KIAA0825: variants seen among roughly 807,000 people sequenced by gnomAD.
KIAA0825 encodes the protein uncharacterized protein KIAA0825.
Under a neutral mutation model 147.6 loss-of-function variants are expected in KIAA0825, and 119 were observed. The observed-to-expected ratio is 0.81, with a 90% CI of 0.69 to 0.94. The LOEUF is 0.94. Among genes scored for constraint, KIAA0825 ranks in the 40% least tolerant of loss-of-function variants. KIAA0825 has a pLI of 0.00. For missense variants in KIAA0825, 1,381 were observed against 1,472.7 expected, an observed-to-expected ratio of 0.94 and a Z score of 1.02; for synonymous variants, 470 against 518.1, an observed-to-expected ratio of 0.91 and a Z score of 1.26.
intron 20 of KIAA0825, among the ~76,000 whole-genome samples, chr5:94,311,146 G>A (rs1779135479): frequency 6.6e-6 from 1 of 151,376 alleles, no homozygotes; most frequent in Non-Finnish European, 1.5e-5. Flanking sequence ...TTCTCTAAGA[G>A]TATTAAAGAT....
intron 20 of KIAA0825, among the ~76,000 whole-genome samples, chr5:94,320,924 TA>T (rs1249235628): frequency 6.6e-6 from 1 of 152,086 alleles, no homozygotes; most frequent in African/African-American, 2.4e-5. Context: ...TTAAGACTTT[TA>T]AAAGTAAGTA....
chr5:94,591,552 T>A (rs1026904811), intron 1 of KIAA0825, among the ~76,000 whole-genome samples: 2 of 152,236 alleles, frequency 1.3e-5, no homozygotes, highest in Admixed American at 1.3e-4. Context: ...TACCAACCTA[T>A]TCATTTAAAG....
intron 1 of KIAA0825, among the ~76,000 whole-genome samples, chr5:94,608,371 C>T (rs1241344138): frequency 8.1e-6 from 1 of 122,806 alleles, no homozygotes; most frequent in Admixed American, 1.1e-4. Flanking sequence ...AAGTGATTCT[C>T]ATGCCTCAGC....
chr5:94,384,882 T>G (rs920860862), intron 19 of KIAA0825, among the ~76,000 whole-genome samples: 4 of 152,184 alleles, frequency 2.6e-5, no homozygotes, highest in Non-Finnish European at 4.4e-5. Flanking sequence ...GTGCTAAGAA[T>G]CAAATTATAA....
At chr5:94,302,292 G>A (rs1027723224) in intron 20 of KIAA0825, among the ~76,000 whole-genome samples, 6 of 151,972 alleles carry the variant, frequency 3.9e-5, no homozygotes, top group Non-Finnish European at 7.4e-5. Flanking sequence ...TTCACAGCCC[G>A]CGTCACTCTT....
At chr5:94,216,338 C>T (rs1773193537) in intron 20 of KIAA0825, among the ~76,000 whole-genome samples, 1 of 152,034 alleles carries the variant, frequency 6.6e-6, no homozygotes, top group South Asian at 2.1e-4. Context: ...GTCTGGGACT[C>T]TTTAGGGGTG....
chr5:94,579,869 T>C (rs1195497521), intron 2 of KIAA0825, among the ~76,000 whole-genome samples: 1 of 152,210 alleles, frequency 6.6e-6, no homozygotes, highest in Non-Finnish European at 1.5e-5. Flanking sequence ...AACACTGCTA[T>C]AGTTTAAATA....
At chr5:94,348,793 C>G (rs747603340) in intron 20 of KIAA0825, among the ~76,000 whole-genome samples, 8 of 152,140 alleles carry the variant, frequency 5.3e-5, no homozygotes, top group Non-Finnish European at 7.4e-5. Context: ...AGCTCTAAAT[C>G]TTGAAACAAA....
chr5:94,352,186 A>C (rs1230025128), intron 20 of KIAA0825, among the ~76,000 whole-genome samples: 1 of 152,232 alleles, frequency 6.6e-6, no homozygotes, highest in African/African-American at 2.4e-5. Context: ...AAGGACTCAT[A>C]TCCAGAATTT....
intron 20 of KIAA0825, among the ~76,000 whole-genome samples, chr5:94,187,431 T>C (rs1309673227): frequency 1.4e-5 from 2 of 147,998 alleles, no homozygotes; most frequent in African/African-American, 5.0e-5. Flanking sequence ...TTTAATTTTT[T>C]TTTGTTTTGT....
intron 20 of KIAA0825, among the ~76,000 whole-genome samples, chr5:94,299,926 T>C (rs1260506168): frequency 6.6e-6 from 1 of 151,322 alleles, no homozygotes; most frequent in East Asian, 1.9e-4. Flanking sequence ...GATTTTTTTA[T>C]AGACAATTGA....
chr5:94,612,679 C>T (rs1254042577), intron 1 of KIAA0825, among the ~76,000 whole-genome samples: 3 of 152,130 alleles, frequency 2.0e-5, no homozygotes, highest in Non-Finnish European at 4.4e-5. Context: ...TTAATCTTCA[C>T]AAAAGGCCTA....
At chr5:94,441,949 A>G (rs1228227094) in intron 13 of KIAA0825, among the ~76,000 whole-genome samples, 2 of 152,156 alleles carry the variant, frequency 1.3e-5, no homozygotes, top group East Asian at 3.8e-4. Context: ...TCAGCACTTT[A>G]TTATTTCATC....
chr5:94,306,925 C>T (rs1477650572), intron 20 of KIAA0825, among the ~76,000 whole-genome samples: 1 of 151,768 alleles, frequency 6.6e-6, no homozygotes, highest in Non-Finnish European at 1.5e-5. Context: ...GATACCCGAA[C>T]GTCATTACCA....
rs1761023042 is a variant in KIAA0825 at position 94,470,016 on chromosome 5, C to T, written c.1817G>A (p.Ser606Asn). The T allele has an allele frequency of 1.9e-6, 3 of 1,551,644 alleles. No homozygotes were observed. Among genetic ancestry groups the T allele is most frequent in the African/African-American group, 2.7e-5 (2 of 73,034 alleles). Residue 606 changes from serine (S) to asparagine (N), a missense_variant, in exon 10 of 21, where the codon AGC (serine) becomes AAC (asparagine). Coordinates refer to ENST00000682413, the MANE Select transcript of KIAA0825 (RefSeq NM_001145678.3). ...TNYCVRVCAT[S>N]ILQDAESHHW... The stretch of plus-strand genomic sequence containing the variant: ...GTGGCTCTCAGCATCCTGTAAAATG[C>T]TTGTAGCACAAACTCTGACGCAGTA...
At chr5:94,473,217 C>T in intron 8 of KIAA0825, 75 bp downstream of exon 8, 1 of 1,154,354 alleles carries the variant, frequency 8.7e-7, no homozygotes, top group Non-Finnish European at 1.2e-6. Flanking sequence ...ATCTACAGGT[C>T]CTTTTTGCAA....
intron 20 of KIAA0825, among the ~76,000 whole-genome samples, chr5:94,223,960 G>C (rs934379639): frequency 6.6e-6 from 1 of 151,416 alleles, no homozygotes; most frequent in Non-Finnish European, 1.5e-5. Flanking sequence ...TTGAAAGAGC[G>C]TATGTCCAAC....
chr5:94,327,851 C>T (rs2150274831), intron 20 of KIAA0825, among the ~76,000 whole-genome samples: 1 of 152,038 alleles, frequency 6.6e-6, no homozygotes. Context: ...ACTAAGAATA[C>T]AAAAATTAGC....
chr5:94,272,053 A>G (rs991121925), intron 20 of KIAA0825, among the ~76,000 whole-genome samples: 1 of 149,444 alleles, frequency 6.7e-6, no homozygotes, highest in Admixed American at 6.7e-5. Context: ...GTTAAGTGAA[A>G]TAAGCCAGAC....
Sources: gnomAD v4.1 joint callset for allele counts (sites outside exome capture counted in the v4.1 genomes callset) on GRCh38, gnomAD v4.1.1 for gene constraint, MANE v1.5 for transcripts, NCBI Gene and HGNC (gene_info 2026-07-23, HGNC 2026-07-21) for gene names.